Variants in TMEM132D observed in about 807,000 individuals in gnomAD.
The protein encoded by TMEM132D is mature OL transmembrane protein.
Under a neutral mutation model 62.3 loss-of-function variants are expected in TMEM132D, and 21 were observed. The ratio of observed to expected loss-of-function variants is 0.34; its 90% CI spans 0.24 to 0.49. The LOEUF is 0.49. TMEM132D is among the 20% of genes least tolerant of loss of function. The pLI is 0.99. For synonymous variants in TMEM132D, 621 were observed against 575.6 expected, an observed-to-expected ratio of 1.08 and a Z score of -1.13; for missense variants, 1,346 against 1,402.8, an observed-to-expected ratio of 0.96 and a Z score of 0.65.
chr12:129,602,756 T>C (rs1032255215), intron 2 of TMEM132D, among the ~76,000 whole-genome samples: 3 of 152,164 alleles, frequency 2.0e-5, no homozygotes, highest in Admixed American at 6.5e-5. Flanking sequence ...GGTTAATGTG[T>C]GTATTAGTCC....
chr12:129,700,287 T>C lies in TMEM132D; in HGVS notation c.491A>G (p.Lys164Arg), dbSNP rs754437645. 146 of 1,613,458 alleles carry C rather than the reference T, an allele frequency of 9.0e-5. No homozygotes were observed. The highest frequency in any genetic ancestry group is 1.2e-4 in the Admixed American group (7 of 60,004). Residue 164 changes from lysine to arginine, a missense_variant, in exon 2 of 9, where the codon AAG becomes AGG. By Grantham distance (26) the Lys-to-Arg change is conservative. Coordinates refer to ENST00000422113, the MANE Select transcript of TMEM132D (RefSeq NM_133448.3). ...AGCAAAGACCCTCAGGCACGGCAGCTTCTCCCCGGCGCTGCGGTCGTCCCA... is the reference window on the plus strand; with the variant it reads ...AGCAAAGACCCTCAGGCACGGCAGCCTCTCCCCGGCGCTGCGGTCGTCCCA... Reference protein sequence around the residue: ...RDWDDRSAGEKLPCLRVFAFR... With the variant: ...RDWDDRSAGERLPCLRVFAFR...
intron 3 of TMEM132D, among the ~76,000 whole-genome samples, chr12:129,442,809 T>C (rs560987598): frequency 1.2e-4 from 18 of 151,874 alleles, no homozygotes; most frequent in Non-Finnish European, 1.9e-4. Context: ...TGACCCAGAG[T>C]CCTTCAAACG....
intron 3 of TMEM132D, among the ~76,000 whole-genome samples, chr12:129,429,259 A>G (rs1239478614): frequency 6.6e-6 from 1 of 152,248 alleles, no homozygotes; most frequent in Non-Finnish European, 1.5e-5. Flanking sequence ...GCCTGGATTC[A>G]GAGTTAGACG....
At chr12:129,085,369 CAG>C (rs1213716451) in intron 5 of TMEM132D, 1 of 152,200 alleles carries the variant, frequency 6.6e-6, no homozygotes, top group Admixed American at 6.5e-5. Flanking sequence ...CGACGAGGCA[CAG>C]GGGTGGATTC....
In TMEM132D at chr12:129,724,158, C is replaced by T. The variant is rs375344424; in HGVS notation, c.80-23460G>A. Among the ~76,000 whole-genome samples, 165 of 152,312 alleles carry T rather than the reference C, an allele frequency of 1.1e-3. 5 individuals are homozygous for T. The South Asian group carries it at 0.033, about 30-fold the overall frequency. On this transcript the variant is annotated intron_variant, in intron 1 of 8. Coordinates refer to ENST00000422113, the MANE Select transcript of TMEM132D (RefSeq NM_133448.3). ...CCCAAGACAGCGGGGGCTTCATCAG[C>T]CTGGGTCCCTGAATGTTTCTGTAGA...
At chr12:129,086,718 T>C (rs1479045251) in intron 5 of TMEM132D, among the ~76,000 whole-genome samples, 1 of 148,776 alleles carries the variant, frequency 6.7e-6, no homozygotes, top group South Asian at 2.1e-4. Flanking sequence ...ATATACAATG[T>C]ATATTGTATA....
At chr12:129,155,059 A>G (rs1877195505) in intron 5 of TMEM132D, among the ~76,000 whole-genome samples, 1 of 152,278 alleles carries the variant, frequency 6.6e-6, no homozygotes, top group Admixed American at 6.5e-5. Context: ...GCTGTGCACA[A>G]ACGAGAGATG....
intron 3 of TMEM132D, among the ~76,000 whole-genome samples, chr12:129,504,610 C>A (rs906194926): frequency 1.3e-5 from 2 of 152,110 alleles, no homozygotes; most frequent in East Asian, 3.9e-4. Flanking sequence ...TTTGGATTTT[C>A]TCTCTTCTTG....
intron 2 of TMEM132D, among the ~76,000 whole-genome samples, chr12:129,554,579 C>A (rs1876999120): frequency 6.6e-6 from 1 of 152,158 alleles, no homozygotes; most frequent in African/African-American, 2.4e-5. Flanking sequence ...CTTCTTTAGA[C>A]AACCCTCTCT....
chr12:129,873,075 T>C (rs1203253699), intron 1 of TMEM132D, among the ~76,000 whole-genome samples: 1 of 152,210 alleles, frequency 6.6e-6, no homozygotes, highest in South Asian at 2.1e-4. Flanking sequence ...TGGAGTCTGA[T>C]AGACCCATTA....
Position 129,083,390 on chromosome 12 carries a change from C to T in TMEM132D, c.1649+1107G>A, listed in dbSNP as rs7300081. ...TGTCTGAACCAGGCAGCTGTGACAGCGTGTGGGATGCACTGCAGTGAGACT... is the reference window on the plus strand; with the variant it reads ...TGTCTGAACCAGGCAGCTGTGACAGTGTGTGGGATGCACTGCAGTGAGACT... On this transcript the variant is annotated intron_variant, in intron 6 of 8. Coordinates refer to ENST00000422113, the MANE Select transcript of TMEM132D (RefSeq NM_133448.3). 9.7e-3 allele frequency among the ~76,000 whole-genome samples: 1,485 copies of T among 152,312 alleles called. 28 individuals are homozygous for T. The highest frequency in any genetic ancestry group is 0.033 in the African/African-American group (1,370 of 41,550).
chr12:129,205,424 A>G (rs1028595872), intron 5 of TMEM132D, among the ~76,000 whole-genome samples: 3 of 151,716 alleles, frequency 2.0e-5, no homozygotes, highest in Admixed American at 6.6e-5. Context: ...TAAAAAAAAG[A>G]AGGGCATTAT....
Position 129,659,593 on chromosome 12 carries a change from C to T in TMEM132D, c.968+40217G>A, listed in dbSNP as rs192239961. On this transcript the variant is annotated intron_variant, in intron 2 of 8. Coordinates refer to ENST00000422113, the MANE Select transcript of TMEM132D (RefSeq NM_133448.3). ...TGATTTTCTTCTAATAATGAATAAA[C>T]GATAAATGGGTAAAAAAAAAACCCA... 1.3e-4 allele frequency among the ~76,000 whole-genome samples: 17 copies of T among 127,294 alleles called. No individual in the cohort carries two copies. The East Asian group carries it at 1.7e-3, about 12-fold the overall frequency. The allele number at this position is 127,294 out of a possible 152,430, so 83.5% of individuals were successfully genotyped here. A position where few individuals can be genotyped will look rare whatever the true frequency, so the allele number is the denominator to read the frequency against.
At chr12:129,491,950 A>T (rs1874808540) in intron 3 of TMEM132D, among the ~76,000 whole-genome samples, 2 of 151,886 alleles carry the variant, frequency 1.3e-5, no homozygotes. Flanking sequence ...TCAAAAAAAA[A>T]AAATTGCTTA....
At chr12:129,508,840 C>G (rs1434968774) in intron 3 of TMEM132D, among the ~76,000 whole-genome samples, 1 of 152,106 alleles carries the variant, frequency 6.6e-6, no homozygotes, top group African/African-American at 2.4e-5. Context: ...TGTGATTTCT[C>G]CTACGTAGGG....
chr12:129,682,472 G>A (rs1880801286), intron 2 of TMEM132D, among the ~76,000 whole-genome samples: 1 of 152,112 alleles, frequency 6.6e-6, no homozygotes, highest in Non-Finnish European at 1.5e-5. Context: ...GTCTCCAGCA[G>A]GCAAACACAG....
chr12:129,435,166 A>G (rs1406187389), intron 3 of TMEM132D, among the ~76,000 whole-genome samples: 1 of 152,126 alleles, frequency 6.6e-6, no homozygotes, highest in Non-Finnish European at 1.5e-5. Flanking sequence ...TTAATGGTGG[A>G]CTAGCATTCC....
chr12:129,492,848 G>T (rs1372898127), intron 3 of TMEM132D, among the ~76,000 whole-genome samples: 1 of 152,146 alleles, frequency 6.6e-6, no homozygotes, highest in Non-Finnish European at 1.5e-5. Context: ...TAAGGCTGGG[G>T]TTGGGGAGAG....
intron 2 of TMEM132D, among the ~76,000 whole-genome samples, chr12:129,647,121 C>CATACATATATATATATAT (rs968615665): frequency 4.1e-5 from 6 of 146,394 alleles, no homozygotes; most frequent in South Asian, 4.4e-4. Context: ...TACATACATA[C>CATACATATATATATATAT]ATATATATAT....
Sources: allele counts gnomAD v4.1 joint callset (sites outside exome capture counted in the v4.1 genomes callset), GRCh38; gene constraint gnomAD v4.1.1; transcripts MANE v1.5; gene names NCBI Gene and HGNC (gene_info 2026-07-23, HGNC 2026-07-21).